Variants in CACNA1D observed in about 807,000 individuals in gnomAD.
The protein encoded by CACNA1D is calcium voltage-gated channel subunit alpha1 D.
A neutral mutation model predicts 257.1 loss-of-function variants in CACNA1D; 55 were observed. The observed-to-expected ratio is 0.21, with a 90% CI of 0.17 to 0.27. The LOEUF (loss-of-function observed/expected upper bound fraction) is 0.27. CACNA1D is among the 10% of genes least tolerant of loss of function. The pLI is 1.00. For synonymous variants in CACNA1D, 980 were observed against 1,014.9 expected (o/e 0.97, Z 0.65); for missense variants, 1,876 against 2,784.0 (o/e 0.67, Z 7.34).
chr3:53,786,477 C>A, intron 39 of CACNA1D: 2 of 304,594 alleles, frequency 6.6e-6, no homozygotes, highest in South Asian at 3.4e-5. Context: ...CCCGTGAAGC[C>A]TCTTTTTGTT....
rs2095474383 is a variant in CACNA1D, at chr3:53,789,745, G to C, written c.4923+2793G>C. 6.6e-6 allele frequency among the ~76,000 whole-genome samples: 1 copy of C among 152,240 alleles called. No individual in the cohort carries two copies. Among genetic ancestry groups the C allele is most frequent in the Non-Finnish European group, 1.5e-5 (1 of 68,032 alleles). The stretch of plus-strand genomic sequence containing the variant: ...GGCATGTGCGTGCTTGTGCTGCGTA[G>C]GGTGCAGTCTGTCTGAACAGCTTCC... On this transcript the variant is annotated intron_variant, in intron 40 of 47. Coordinates refer to ENST00000350061, the MANE Select transcript of CACNA1D (RefSeq NM_001128840.3). This position sits in a 1 kb window ranked among gnomAD's most constrained non-coding sequence, Gnocchi z 4.2.
intron 3 of CACNA1D, among the ~76,000 whole-genome samples, chr3:53,556,996 A>G (rs947494051): frequency 6.6e-6 from 1 of 152,202 alleles, no homozygotes. Flanking sequence ...GATTACAGGC[A>G]TGAGCCACCA....
chr3:53,781,749 T>C, intron 39 of CACNA1D, 82 bp downstream of exon 39: 1 of 947,302 alleles, frequency 1.1e-6, no homozygotes. Flanking sequence ...CCAGAGAGTG[T>C]TTGCAAAATG....
intron 20 of CACNA1D, among the ~76,000 whole-genome samples, chr3:53,739,097 T>A (rs2095088376): frequency 6.6e-6 from 1 of 152,184 alleles, no homozygotes; most frequent in Non-Finnish European, 1.5e-5. Flanking sequence ...ACAGAGGTCC[T>A]CGCATTATTG....
In CACNA1D at chr3:53,690,651, G is replaced by A. The variant is rs1052819627; in HGVS notation, c.1221-11990G>A. On this transcript the variant is annotated intron_variant, in intron 8 of 47. Coordinates refer to ENST00000350061, the MANE Select transcript of CACNA1D (RefSeq NM_001128840.3). The stretch of plus-strand genomic sequence containing the variant: ...AGATGCAGCTCACAGGGTGGTTTCC[G>A]TGGCCTGCGAGTGGGATTTGGGCTG... Among the ~76,000 whole-genome samples the A allele has an allele frequency of 9.9e-5, 15 of 152,186 alleles. 1 individual carries two copies. In the East Asian group the frequency reaches 1.9e-3, roughly 20 times the overall value.
In CACNA1D at chr3:53,495,036, C is replaced by G. The variant is rs1266540131; in HGVS notation, c.-131C>G. On this transcript the variant is annotated 5_prime_UTR_variant, in exon 1 of 48. Transcript: ENST00000350061. This position sits in a 1 kb window ranked among gnomAD's most constrained non-coding sequence, Gnocchi z 5.1. ...TATTTGTCCCCGTCCCTCCCCACCC[C>G]CCTGCTGAAGCGAGAATAAGGGCAG... is the stretch of plus-strand genomic sequence containing the variant. The G allele has an allele frequency of 5.3e-5, 28 of 530,390 alleles. No individual in the cohort carries two copies. Among genetic ancestry groups the G allele is most frequent in the South Asian group, 3.0e-4 (20 of 66,752 alleles). 32.9% of individuals were successfully genotyped at this position (530,390 alleles called of 1,614,324 possible).
At chr3:53,773,677 T>A (rs1304821446) in intron 33 of CACNA1D, 1 of 151,616 alleles carries the variant, frequency 6.6e-6, no homozygotes, top group Non-Finnish European at 1.5e-5. Context: ...TTTTTTCTTT[T>A]TTTTTTTTAA....
At chr3:53,537,867 AG>A (rs2092159944) in intron 3 of CACNA1D, among the ~76,000 whole-genome samples, 1 of 152,178 alleles carries the variant, frequency 6.6e-6, no homozygotes, top group African/African-American at 2.4e-5. Context: ...TGAATTTGGT[AG>A]TTGGACCTAC....
At chr3:53,518,712 T>C (rs1464246008) in intron 3 of CACNA1D, among the ~76,000 whole-genome samples, 2 of 152,232 alleles carry the variant, frequency 1.3e-5, no homozygotes, top group Admixed American at 1.3e-4. Flanking sequence ...TAAGAAACTC[T>C]TGAGTATTTG....
intron 8 of CACNA1D, among the ~76,000 whole-genome samples, chr3:53,675,398 A>G (rs1303059576): frequency 6.6e-6 from 1 of 152,168 alleles, no homozygotes; most frequent in East Asian, 1.9e-4. Flanking sequence ...CTTTCTATAC[A>G]AGGTTAACAG....
At chr3:53,692,503 A>C (rs375868217) in intron 8 of CACNA1D, among the ~76,000 whole-genome samples, 2 of 152,124 alleles carry the variant, frequency 1.3e-5, no homozygotes, top group South Asian at 4.1e-4. Flanking sequence ...GAGGCAGGAG[A>C]GATCTGACAT....
At chr3:53,603,505 G>A (rs1450345032) in intron 3 of CACNA1D, among the ~76,000 whole-genome samples, 2 of 152,098 alleles carry the variant, frequency 1.3e-5, no homozygotes, top group Admixed American at 1.3e-4. Context: ...CAGTTCCTGG[G>A]ACCTAGTATA....
At chr3:53,580,226 C>T (rs1403286118) in intron 3 of CACNA1D, among the ~76,000 whole-genome samples, 2 of 152,074 alleles carry the variant, frequency 1.3e-5, no homozygotes, top group Non-Finnish European at 1.5e-5. Context: ...TATGGGAGGC[C>T]CATAAGGTTA....
At chr3:53,655,305 T>A (rs549536974) in intron 4 of CACNA1D, among the ~76,000 whole-genome samples, 5 of 152,294 alleles carry the variant, frequency 3.3e-5, no homozygotes, top group African/African-American at 9.6e-5. Context: ...TATGGTAGAA[T>A]GGTTTATTTT....
chr3:53,520,894 CTTTTCT>C (rs142290645), intron 3 of CACNA1D, among the ~76,000 whole-genome samples: 11,668 of 102,568 alleles, frequency 0.11, 535 homozygotes, highest in East Asian at 0.18. Flanking sequence ...TTCTTTCTTT[CTTTTCT>C]TTTCTTTTCT....
At chr3:53,578,231 C>A (rs555882068) in intron 3 of CACNA1D, among the ~76,000 whole-genome samples, 2 of 152,080 alleles carry the variant, frequency 1.3e-5, no homozygotes, top group Non-Finnish European at 2.9e-5. Context: ...GGAGCAGAGC[C>A]CCATCCAGCT....
intron 38 of CACNA1D, among the ~76,000 whole-genome samples, chr3:53,780,894 G>C (rs1210556682): frequency 6.6e-6 from 1 of 152,332 alleles, no homozygotes; most frequent in South Asian, 2.1e-4. Context: ...AGGGACTCAT[G>C]CTGAGTGCAG....
rs139563738 is a variant in CACNA1D at position 53,623,929 on chromosome 3, G to A, written c.484-26850G>A. ...GGAGATTGGGAAATTAGTGATCGGG[G>A]ACGGTGCAGAGTTCATAAATAATTT... On this transcript the variant is annotated intron_variant, in intron 3 of 47. Transcript: ENST00000350061. Among the ~76,000 whole-genome samples, 7 of 152,320 alleles carry A rather than the reference G, an allele frequency of 4.6e-5. 1 individual carries two copies. The highest frequency in any genetic ancestry group is 6.8e-3 in the Middle Eastern group (2 of 294).
chr3:53,519,780 C>G (rs963919184), intron 3 of CACNA1D, among the ~76,000 whole-genome samples: 3 of 152,294 alleles, frequency 2.0e-5, no homozygotes, highest in African/African-American at 7.2e-5. Flanking sequence ...AAACCCCATA[C>G]CTATTAGCTG....
Sources: gnomAD v4.1 joint callset for allele counts (sites outside exome capture counted in the v4.1 genomes callset) on GRCh38, gnomAD v4.1.1 for gene constraint, Gnocchi (gnomAD v3.1) non-coding constraint, MANE v1.5 for transcripts, NCBI Gene and HGNC (gene_info 2026-07-23, HGNC 2026-07-21) for gene names.